CERKL: variants seen among roughly 807,000 people sequenced by gnomAD.
CERKL encodes ceramide kinase-like protein.
Under a neutral mutation model 63.4 loss-of-function variants are expected in CERKL, and 61 were observed. That is an observed-to-expected ratio of 0.96 (90% CI 0.78 to 1.19). The LOEUF (loss-of-function observed/expected upper bound fraction) is 1.19. CERKL is among the 50% of genes most tolerant of loss of function. CERKL has a pLI of 0.00. For synonymous variants in CERKL, 250 were observed against 230.5 expected, an observed-to-expected ratio of 1.08 and a Z score of -0.77; for missense variants, 675 against 655.5, an observed-to-expected ratio of 1.03 and a Z score of -0.33.
intron 1 of CERKL, among the ~76,000 whole-genome samples, chr2:181,609,892 T>C (rs577626359): frequency 1.3e-5 from 2 of 152,248 alleles, no homozygotes; most frequent in African/African-American, 2.4e-5. Context: ...CAAAGGATGA[T>C]TTAGAACTGA....
intron 2 of CERKL, among the ~76,000 whole-genome samples, chr2:181,582,598 G>T (rs1227745551): frequency 6.6e-6 from 1 of 150,606 alleles, no homozygotes; most frequent in Non-Finnish European, 1.5e-5. Context: ...GTGGCTGGCG[G>T]GATCTTGGCT....
chr2:181,578,197 C>T (rs559073026), intron 2 of CERKL, among the ~76,000 whole-genome samples: 35 of 151,716 alleles, frequency 2.3e-4, no homozygotes, highest in South Asian at 6.3e-4. Flanking sequence ...TATACACACA[C>T]GTATATATAT....
chr2:181,547,517 T>C (rs921400934), intron 10 of CERKL, 101 bp downstream of exon 10: 1 of 857,460 alleles, frequency 1.2e-6, no homozygotes, highest in Non-Finnish European at 2.0e-6. Context: ...AAAGATAAAC[T>C]ACCTGTTAAG....
In CERKL at chr2:181,656,844, C is replaced by T; in HGVS notation, c.163G>A (p.Gly55Arg). The change falls in exon 1 of 13, where the codon GGG (glycine) becomes AGG (arginine). Residue 55 changes from glycine (G) to arginine (R), a missense_variant. Transcript: ENST00000410087. ...AGCACCACGTCACAACTGTCCCTCC[C>T]GATCTCGAAGATGCCCCGGAGCAGA... Reference protein sequence around the residue: ...RILLRGIFEIGRDSCDVVLSE... With the variant: ...RILLRGIFEIRRDSCDVVLSE... 6.2e-7 allele frequency: 1 copy of T among 1,604,848 alleles called. No individual in the cohort carries two copies. The highest frequency in any genetic ancestry group is 1.3e-5 in the African/African-American group (1 of 74,586).
intron 4 of CERKL, among the ~76,000 whole-genome samples, chr2:181,561,658 G>C (rs1196408416): frequency 6.6e-6 from 1 of 152,036 alleles, no homozygotes; most frequent in Non-Finnish European, 1.5e-5. Flanking sequence ...TCCTGATCCA[G>C]GAGAGATTTA....
At chr2:181,633,037 G>C (rs1437927377) in intron 1 of CERKL, among the ~76,000 whole-genome samples, 1 of 152,170 alleles carries the variant, frequency 6.6e-6, no homozygotes, top group East Asian at 1.9e-4. Context: ...CTAAATGAAA[G>C]CTACTTAGAC....
At chr2:181,595,104 A>G (rs1685144525) in intron 2 of CERKL, among the ~76,000 whole-genome samples, 2 of 152,192 alleles carry the variant, frequency 1.3e-5, no homozygotes, top group Non-Finnish European at 2.9e-5. Flanking sequence ...GATTGAGTCA[A>G]TGTTTTATCT....
At chr2:181,602,344 C>T (rs1685491661) in intron 2 of CERKL, among the ~76,000 whole-genome samples, 2 of 152,194 alleles carry the variant, frequency 1.3e-5, no homozygotes, top group African/African-American at 4.8e-5. Context: ...TATTCCTGGT[C>T]ATGTTAATCA....
chr2:181,563,190 C>T (rs562980035), intron 4 of CERKL, among the ~76,000 whole-genome samples: 1 of 151,994 alleles, frequency 6.6e-6, no homozygotes, highest in African/African-American at 2.4e-5. Context: ...GAATCTGAAG[C>T]TCTCATAAGG....
intron 2 of CERKL, among the ~76,000 whole-genome samples, chr2:181,574,937 G>A (rs2105848448): frequency 6.6e-6 from 1 of 152,294 alleles, no homozygotes; most frequent in South Asian, 2.1e-4. Context: ...ATAGGGTCAT[G>A]ATAAACTCCT....
At chr2:181,609,454 G>A (rs1480267930) in intron 1 of CERKL, among the ~76,000 whole-genome samples, 3 of 148,698 alleles carry the variant, frequency 2.0e-5, no homozygotes, top group Non-Finnish European at 4.4e-5. Flanking sequence ...CCAGCACTTT[G>A]GGAGGCCGAG....
chr2:181,592,589 A>G (rs1356757207), intron 2 of CERKL, among the ~76,000 whole-genome samples: 1 of 152,180 alleles, frequency 6.6e-6, no homozygotes, highest in Non-Finnish European at 1.5e-5. Context: ...AATATGCTTC[A>G]CTGGATTTAA....
intron 2 of CERKL, among the ~76,000 whole-genome samples, chr2:181,602,846 C>G (rs1048579190): frequency 1.4e-4 from 21 of 151,928 alleles, no homozygotes; most frequent in Middle Eastern, 6.3e-3. Context: ...ATGCAGCAAA[C>G]AAGAAGAAAT....
At chr2:181,590,537 A>G (rs1216819639) in intron 2 of CERKL, among the ~76,000 whole-genome samples, 2 of 152,232 alleles carry the variant, frequency 1.3e-5, no homozygotes, top group African/African-American at 4.8e-5. Flanking sequence ...ATATCAAATA[A>G]AATGGCTAAT....
intron 1 of CERKL, among the ~76,000 whole-genome samples, chr2:181,604,994 A>C (rs1685620442): frequency 6.6e-6 from 1 of 152,250 alleles, no homozygotes; most frequent in African/African-American, 2.4e-5. Flanking sequence ...AAAGACTTCC[A>C]AAACTTCTGC....
In CERKL at chr2:181,653,510, C is replaced by T. The variant is rs116092091; in HGVS notation, c.238+3259G>A. Among the ~76,000 whole-genome samples, 664 of 152,134 alleles carry T rather than the reference C, an allele frequency of 4.4e-3. 2 individuals carry two copies. The highest frequency in any genetic ancestry group is 0.015 in the African/African-American group (642 of 41,500). ...GGCCAAGATATGGAATCAACCTAAG[C>T]GTACAACAATGGATGAATAAAGAAA... On this transcript the variant is annotated intron_variant, in intron 1 of 12. Coordinates refer to ENST00000410087, the MANE Select transcript of CERKL (RefSeq NM_201548.5).
At chr2:181,575,944 G>T in intron 2 of CERKL, among the ~76,000 whole-genome samples, 1 of 152,138 alleles carries the variant, frequency 6.6e-6, no homozygotes, top group East Asian at 1.9e-4. Flanking sequence ...TCTGAAGTTT[G>T]TCTCAGAGTA....
intron 5 of CERKL, among the ~76,000 whole-genome samples, chr2:181,555,546 A>G (rs1210114743): frequency 6.6e-6 from 1 of 152,128 alleles, no homozygotes; most frequent in Admixed American, 6.6e-5. Context: ...GCATTTGAAT[A>G]TCTTATGCTC....
intron 2 of CERKL, among the ~76,000 whole-genome samples, chr2:181,595,060 T>C (rs1329702441): frequency 3.3e-5 from 5 of 152,168 alleles, no homozygotes; most frequent in African/African-American, 1.2e-4. Context: ...TGACAGAAGT[T>C]ATTAAGTGAT....
Sources: allele counts gnomAD v4.1 joint callset (sites outside exome capture counted in the v4.1 genomes callset), GRCh38; gene constraint gnomAD v4.1.1; transcripts MANE v1.5; gene names NCBI Gene and HGNC (gene_info 2026-07-23, HGNC 2026-07-21).